Variants in LRP1B observed in about 807,000 individuals in gnomAD.
LRP1B encodes the protein LDL receptor related protein 1B, also known as low-density lipoprotein receptor-related protein 1B.
Under a neutral mutation model 556.6 loss-of-function variants are expected in LRP1B, and 217 were observed. The observed-to-expected ratio is 0.39, with a 90% CI of 0.35 to 0.44. The LOEUF (loss-of-function observed/expected upper bound fraction) is 0.44, where lower values mean the gene tolerates loss of function less well. Among genes scored for constraint, LRP1B ranks in the 20% least tolerant of loss-of-function variants. LRP1B has a pLI of 1.00. For synonymous variants in LRP1B, 2,047 were observed against 1,865.8 expected, an observed-to-expected ratio of 1.10 and a Z score of -2.50; for missense variants, 5,053 against 5,620.8, an observed-to-expected ratio of 0.90 and a Z score of 3.23.
chr2:141,253,394 A>T (rs1207748695), intron 4 of LRP1B, among the ~76,000 whole-genome samples: 1 of 152,162 alleles, frequency 6.6e-6, no homozygotes, highest in Non-Finnish European at 1.5e-5. Context: ...GGGTCTGATA[A>T]ACACTTGATA....
chr2:140,846,329 A>G (rs879373743), intron 29 of LRP1B, among the ~76,000 whole-genome samples: 27 of 152,162 alleles, frequency 1.8e-4, no homozygotes, highest in African/African-American at 5.5e-4. Flanking sequence ...CAGGACATGT[A>G]GAATGAAAAG....
intron 41 of LRP1B, among the ~76,000 whole-genome samples, chr2:140,695,613 T>C (rs1686403611): frequency 6.6e-6 from 1 of 152,224 alleles, no homozygotes; most frequent in Admixed American, 6.5e-5. Context: ...TGAGATTAGC[T>C]ATCTCTAATT....
chr2:141,699,043 G>A (rs952881334), intron 2 of LRP1B, among the ~76,000 whole-genome samples: 2 of 151,850 alleles, frequency 1.3e-5, no homozygotes, highest in African/African-American at 4.8e-5. Flanking sequence ...CATTCTCTCT[G>A]TCTTTCCTTC....
At chr2:140,748,662 C>G (rs1448789820) in intron 35 of LRP1B, among the ~76,000 whole-genome samples, 30 of 113,440 alleles carry the variant, frequency 2.6e-4, no homozygotes, top group African/African-American at 9.7e-4. Context: ...ATACCAAAAG[C>G]TGTTAACACA....
intron 43 of LRP1B, among the ~76,000 whole-genome samples, chr2:140,542,807 G>A (rs189986429): frequency 2.0e-5 from 3 of 152,130 alleles, no homozygotes; most frequent in African/African-American, 7.2e-5. Flanking sequence ...AGAGGGAACT[G>A]TGGGTATCTG....
At chr2:141,036,504 A>C (rs1698536210) in intron 11 of LRP1B, among the ~76,000 whole-genome samples, 1 of 152,106 alleles carries the variant, frequency 6.6e-6, no homozygotes, top group Non-Finnish European at 1.5e-5. Flanking sequence ...CTGAAGCAAG[A>C]CAACGGTCCT....
intron 3 of LRP1B, among the ~76,000 whole-genome samples, chr2:141,290,410 G>A (rs1685897743): frequency 6.6e-6 from 1 of 152,056 alleles, no homozygotes; most frequent in African/African-American, 2.4e-5. Context: ...ATATTGGGTT[G>A]TTTATATGGT....
intron 84 of LRP1B, among the ~76,000 whole-genome samples, chr2:140,289,710 A>AT (rs1683298275): frequency 6.6e-6 from 1 of 151,762 alleles, no homozygotes; most frequent in Non-Finnish European, 1.5e-5. Context: ...AACCCTGACA[A>AT]TTTTTTTGAA....
At chr2:140,935,948 A>G (rs1279816673) in intron 20 of LRP1B, among the ~76,000 whole-genome samples, 1 of 151,898 alleles carries the variant, frequency 6.6e-6, no homozygotes, top group East Asian at 1.9e-4. Flanking sequence ...ACACACACAC[A>G]TATACATACA....
At chr2:141,401,171 C>A (rs1207494725) in intron 3 of LRP1B, among the ~76,000 whole-genome samples, 8 of 151,970 alleles carry the variant, frequency 5.3e-5, no homozygotes, top group Admixed American at 5.2e-4. Context: ...TTATAATTAC[C>A]CTTTTAGTTT....
chr2:142,090,481 A>G (rs1234558410), intron 1 of LRP1B, among the ~76,000 whole-genome samples: 2 of 152,164 alleles, frequency 1.3e-5, no homozygotes, highest in African/African-American at 4.8e-5. Context: ...CAGAGATGAA[A>G]ATAATTATAC....
intron 2 of LRP1B, among the ~76,000 whole-genome samples, chr2:141,502,664 T>C (rs1683764482): frequency 6.6e-6 from 1 of 151,774 alleles, no homozygotes. Flanking sequence ...ATCGAGACCA[T>C]CCTGGCCAAC....
intron 2 of LRP1B, among the ~76,000 whole-genome samples, chr2:141,748,533 G>A (rs1485042643): frequency 1.3e-5 from 2 of 152,166 alleles, no homozygotes; most frequent in Non-Finnish European, 2.9e-5. Context: ...AACACAGCCA[G>A]ATATAGATGG....
chr2:140,822,723 G>T (rs1691369873), intron 31 of LRP1B, among the ~76,000 whole-genome samples: 1 of 152,134 alleles, frequency 6.6e-6, no homozygotes, highest in South Asian at 2.1e-4. Context: ...TTCCATGCTT[G>T]AAAAGTATCA....
chr2:140,281,104 ACTCT>A (rs201746933), intron 84 of LRP1B, among the ~76,000 whole-genome samples: 33 of 151,734 alleles, frequency 2.2e-4, no homozygotes, highest in East Asian at 5.8e-4. Flanking sequence ...ATTATTGCAC[ACTCT>A]CTCTTTTTCT....
chr2:140,936,007 G>A (rs1405889339), intron 20 of LRP1B, among the ~76,000 whole-genome samples: 1 of 148,758 alleles, frequency 6.7e-6, no homozygotes, highest in Non-Finnish European at 1.5e-5. Flanking sequence ...GTGTGTATAT[G>A]TGTGTGTGTG....
intron 3 of LRP1B, among the ~76,000 whole-genome samples, chr2:141,436,974 G>A (rs1354239706): frequency 3.3e-5 from 5 of 152,190 alleles, no homozygotes; most frequent in African/African-American, 1.2e-4. Flanking sequence ...TGGCACCACT[G>A]TAAATTTAAT....
At chr2:142,015,142 A>T (rs1278716886) in intron 1 of LRP1B, among the ~76,000 whole-genome samples, 1 of 152,202 alleles carries the variant, frequency 6.6e-6, no homozygotes, top group Non-Finnish European at 1.5e-5. Flanking sequence ...TTACTAGTCA[A>T]CAGAATTCCA....
At chr2:140,619,536 T>C (rs1416755767) in intron 41 of LRP1B, among the ~76,000 whole-genome samples, 1 of 152,176 alleles carries the variant, frequency 6.6e-6, no homozygotes, top group Non-Finnish European at 1.5e-5. Context: ...AAACTAATTT[T>C]TAATCCAATC....
Sources: allele counts gnomAD v4.1 joint callset (sites outside exome capture counted in the v4.1 genomes callset), GRCh38; gene constraint gnomAD v4.1.1; transcripts MANE v1.5; gene names NCBI Gene and HGNC (gene_info 2026-07-23, HGNC 2026-07-21).